AGAP1: variants seen among roughly 807,000 people sequenced by gnomAD.
AGAP1 encodes ArfGAP with GTPase domain, ankyrin repeat and PH domain 1.
In AGAP1, 29 loss-of-function variants were observed where a neutral mutation model predicts 105.3. The observed-to-expected ratio is 0.28, with a 90% CI of 0.21 to 0.38. The LOEUF (loss-of-function observed/expected upper bound fraction) is 0.38, where lower values mean the gene tolerates loss of function less well. Ranked by LOEUF, AGAP1 falls within the 10% of genes least tolerant of loss-of-function variation. AGAP1 has a pLI of 1.00. For synonymous variants in AGAP1, 509 were observed against 485.9 expected, an observed-to-expected ratio of 1.05 and a Z score of -0.63; for missense variants, 998 against 1,165.1, an observed-to-expected ratio of 0.86 and a Z score of 2.09.
intron 6 of AGAP1, among the ~76,000 whole-genome samples, chr2:235,795,582 T>C (rs1030577614): frequency 6.6e-6 from 1 of 152,154 alleles, no homozygotes; most frequent in African/African-American, 2.4e-5. Flanking sequence ...TAGAACAATA[T>C]ATTTATAAAT....
intron 1 of AGAP1, among the ~76,000 whole-genome samples, chr2:235,538,491 G>A (rs1211432491): frequency 6.8e-6 from 1 of 147,012 alleles, no homozygotes; most frequent in African/African-American, 2.5e-5. Flanking sequence ...ACAGAGGGTG[G>A]GAAGAGGGCT....
intron 12 of AGAP1, among the ~76,000 whole-genome samples, chr2:235,937,079 T>G (rs957217397): frequency 6.6e-6 from 1 of 152,242 alleles, no homozygotes; most frequent in Non-Finnish European, 1.5e-5. Flanking sequence ...TGCTGAAGTT[T>G]CCTTTATCAA....
chr2:235,547,931 C>T (rs964419862), intron 1 of AGAP1, among the ~76,000 whole-genome samples: 14 of 152,164 alleles, frequency 9.2e-5, no homozygotes, highest in Non-Finnish European at 1.6e-4. Context: ...GAAAAGAGCC[C>T]GGTGAAATTC....
intron 6 of AGAP1, among the ~76,000 whole-genome samples, chr2:235,766,528 G>A (rs573871920): frequency 9.2e-5 from 14 of 152,302 alleles, no homozygotes; most frequent in South Asian, 6.2e-4. Flanking sequence ...GATACACTCC[G>A]TAAAGCGTGT....
At position 235,750,546 on chromosome 2, in the gene AGAP1, A is replaced by G; in HGVS notation, c.673+58A>G. ...TTCATGATAGACGGGAGGCACTTCA[A>G]GAAGTCAGTCCTGCCTGCACTTGTG... On this transcript the variant is annotated intron_variant, in intron 6 of 17. Transcript: ENST00000304032. The surrounding 1 kb of genome is among the most constrained non-coding windows in gnomAD (Gnocchi z 5.3). 6.2e-7 allele frequency: 1 copy of G among 1,608,962 alleles called. No homozygotes were observed. Among genetic ancestry groups the G allele is most frequent in the Non-Finnish European group, 8.5e-7 (1 of 1,176,224 alleles).
rs529100858 is a variant in AGAP1 at position 235,694,313 on chromosome 2, A to G, written c.164-14866A>G. Among the ~76,000 whole-genome samples, 5 of 152,094 alleles carry G rather than the reference A, an allele frequency of 3.3e-5. No homozygotes were observed. The East Asian group carries it at 9.7e-4, about 29-fold the overall frequency. The stretch of plus-strand genomic sequence containing the variant: ...GCTATCATGGTGAAACCCCGTCTCT[A>G]CTAAAAATACAAAAAGTTAGCTGGG... On this transcript the variant is annotated intron_variant, in intron 1 of 17. Coordinates refer to ENST00000304032, the MANE Select transcript of AGAP1 (RefSeq NM_001037131.3).
At position 235,845,921 on chromosome 2, in the gene AGAP1, GA is replaced by G. The variant is rs937027675; in HGVS notation, c.1051-37423del. Among the ~76,000 whole-genome samples the G allele has an allele frequency of 6.6e-6, 1 of 151,966 alleles. No homozygotes were observed. The highest frequency in any genetic ancestry group is 6.6e-5 in the Admixed American group (1 of 15,262). On this transcript the variant is annotated intron_variant, in intron 9 of 17. Coordinates refer to ENST00000304032, the MANE Select transcript of AGAP1 (RefSeq NM_001037131.3). The surrounding 1 kb of genome is among the most constrained non-coding windows in gnomAD (Gnocchi z 4.8). ...ATATGCCCTCCTTCCTGCACCCCCA[GA>G]GTGGCCCCTCCACTCACCCTTCAGC...
rs551783810 is a variant in AGAP1, at chr2:235,723,972, G to A, written c.310+6328G>A. Among the ~76,000 whole-genome samples the A allele has an allele frequency of 6.6e-6, 1 of 152,174 alleles. No individual in the cohort carries two copies. The highest frequency in any genetic ancestry group is 6.5e-5 in the Admixed American group (1 of 15,290). ...GGGCCGGGGCCTGCCTGCCACTGAG[G>A]CCCAGCGGCTGCCTGCGAGGGTCAG... is the stretch of plus-strand genomic sequence containing the variant. On this transcript the variant is annotated intron_variant, in intron 3 of 17. Transcript: ENST00000304032. This position sits in a 1 kb window ranked among gnomAD's most constrained non-coding sequence, Gnocchi z 6.2.
Position 236,096,859 on chromosome 2 carries a change from C to T in AGAP1, c.2115-23333C>T, listed in dbSNP as rs1405787954. 9.9e-5 allele frequency among the ~76,000 whole-genome samples: 15 copies of T among 152,114 alleles called. No individual in the cohort carries two copies. Among genetic ancestry groups the T allele is most frequent in the Admixed American group, 9.2e-4 (14 of 15,262 alleles). On this transcript the variant is annotated intron_variant, in intron 16 of 17. Transcript: ENST00000304032. The surrounding 1 kb of genome is among the most constrained non-coding windows in gnomAD (Gnocchi z 4.4). ...CCTCCCAAAGTGCTGGGATTACAGG[C>T]GTGAGCCACCCTGCCGGGCCAAATG...
intron 1 of AGAP1, among the ~76,000 whole-genome samples, chr2:235,532,576 T>C (rs1943080348): frequency 6.6e-6 from 1 of 152,236 alleles, no homozygotes. Flanking sequence ...TCTCCTACAG[T>C]GACATTTTTC....
In AGAP1 at chr2:235,877,622, G is replaced by A. The variant is rs1378422455; in HGVS notation, c.1051-5723G>A. On this transcript the variant is annotated intron_variant, in intron 9 of 17. Transcript: ENST00000304032. This position sits in a 1 kb window ranked among gnomAD's most constrained non-coding sequence, Gnocchi z 4.3. ...ACTCATGACCTAGGAAGTCGGAGAT[G>A]CCAACTCGGGCAGTGGAATCCAGTG... Among the ~76,000 whole-genome samples, 1 of 152,208 alleles carries A rather than the reference G, an allele frequency of 6.6e-6. No individual in the cohort carries two copies. Among genetic ancestry groups the A allele is most frequent in the African/African-American group, 2.4e-5 (1 of 41,444 alleles).
rs2051011579 is a variant in AGAP1 at position 235,900,401 on chromosome 2, A to G, written c.1156-8337A>G. On this transcript the variant is annotated intron_variant, in intron 10 of 17. Transcript: ENST00000304032. The surrounding 1 kb of genome is among the most constrained non-coding windows in gnomAD (Gnocchi z 5.5). ...GGAATTGTTGTTGTGTCTCGGTGGC[A>G]GCATTTCTCCCTCTGGAACTAAGAC... 6.9e-6 allele frequency among the ~76,000 whole-genome samples: 1 copy of G among 145,524 alleles called. No homozygotes were observed. The highest frequency in any genetic ancestry group is 1.5e-5 in the Non-Finnish European group (1 of 65,572).
chr2:235,523,457 C>A (rs945129752), intron 1 of AGAP1, among the ~76,000 whole-genome samples: 1 of 152,176 alleles, frequency 6.6e-6, no homozygotes, highest in African/African-American at 2.4e-5. Context: ...TGCTTCCCAT[C>A]GGTGCCTGAG....
chr2:235,946,702 C>T (rs1010280532), intron 12 of AGAP1, among the ~76,000 whole-genome samples: 2 of 152,192 alleles, frequency 1.3e-5, no homozygotes, highest in African/African-American at 2.4e-5. Flanking sequence ...CATTCAAGTG[C>T]TGCTTTCTAT....
intron 1 of AGAP1, among the ~76,000 whole-genome samples, chr2:235,542,932 G>C (rs1943492823): frequency 6.6e-6 from 1 of 152,126 alleles, no homozygotes; most frequent in Admixed American, 6.5e-5. Context: ...AGTTGCATTG[G>C]GCTTTTGTCC....
rs546657739 is a variant in AGAP1, at chr2:235,639,635, A to G, written c.164-69544A>G. Reference sequence around the variant, plus strand: ...CTGCCTGCTGTGTTTCTGGTGCCCAAATGTTCTGGGCACACTGTTGTTTGG... The same window carrying G: ...CTGCCTGCTGTGTTTCTGGTGCCCAGATGTTCTGGGCACACTGTTGTTTGG... On this transcript the variant is annotated intron_variant, in intron 1 of 17. Coordinates refer to ENST00000304032, the MANE Select transcript of AGAP1 (RefSeq NM_001037131.3). This position sits in a 1 kb window ranked among gnomAD's most constrained non-coding sequence, Gnocchi z 5.3. Among the ~76,000 whole-genome samples, 4 of 152,134 alleles carry G rather than the reference A, an allele frequency of 2.6e-5. No homozygotes were observed. The South Asian group carries it at 6.2e-4, about 24-fold the overall frequency.
At chr2:235,802,955 G>A (rs1257139704) in intron 8 of AGAP1, among the ~76,000 whole-genome samples, 4 of 145,090 alleles carry the variant, frequency 2.8e-5, no homozygotes, top group Non-Finnish European at 6.1e-5. Context: ...TGGTGGTGAT[G>A]ATGGTTGTGA....
chr2:235,802,602 C>G (rs1957546232), intron 8 of AGAP1, among the ~76,000 whole-genome samples: 1 of 152,084 alleles, frequency 6.6e-6, no homozygotes, highest in African/African-American at 2.4e-5. Context: ...TGTTGGTCCT[C>G]AGTGGGTTTG....
intron 16 of AGAP1, among the ~76,000 whole-genome samples, chr2:236,118,387 C>CTT (rs529993131): frequency 2.0e-4 from 23 of 116,278 alleles, no homozygotes; most frequent in South Asian, 2.8e-4. Flanking sequence ...TTTTCTTTTT[C>CTT]TTTTTTTTTT....
Sources: allele counts gnomAD v4.1 joint callset (sites outside exome capture counted in the v4.1 genomes callset), GRCh38; gene constraint gnomAD v4.1.1; non-coding constraint Gnocchi (gnomAD v3.1); transcripts MANE v1.5; gene names NCBI Gene and HGNC (gene_info 2026-07-23, HGNC 2026-07-21).